AMY2A: variants seen among roughly 807,000 people sequenced by gnomAD.
AMY2A encodes the protein amylase alpha 2A.
A neutral mutation model predicts 43.0 loss-of-function variants in AMY2A; 16 were observed. That is an observed-to-expected ratio of 0.37 (90% CI 0.25 to 0.56). The LOEUF is 0.56. AMY2A is among the 20% of genes least tolerant of loss of function. The pLI, the probability that AMY2A is intolerant of heterozygous loss-of-function variation, is 0.77. For synonymous variants in AMY2A, 70 were observed against 144.6 expected (o/e 0.48, Z 3.70); for missense variants, 212 against 456.8 (o/e 0.46, Z 4.89).
rs142325195 is a variant in AMY2A, at chr1:103,618,528, C to T, written c.316-383C>T. ...GAGCATAAATTGAGATTAATAGCTA[C>T]CTTGTTTGTCTTCAAAAGCTTCATA... On this transcript the variant is annotated intron_variant, in intron 2 of 9. Transcript: ENST00000414303. 6.2e-3 allele frequency among the ~76,000 whole-genome samples: 929 copies of T among 150,790 alleles called. 64 individuals carry two copies. The highest frequency in any genetic ancestry group is 9.8e-3 in the Non-Finnish European group (659 of 67,240).
At chr1:103,624,894 G>C (rs1353705165) in intron 9 of AMY2A, among the ~76,000 whole-genome samples, 1 of 130,954 alleles carries the variant, frequency 7.6e-6, no homozygotes, top group Non-Finnish European at 1.7e-5. Flanking sequence ...GTAAACAGTT[G>C]AATTGTCCCT....
upstream of AMY2A, chr1:103,616,896 G>C (rs1443669343): frequency 6.4e-5 from 47 of 735,532 alleles, no homozygotes; most frequent in Admixed American, 2.1e-4. Context: ...GATTTGTCTA[G>C]AGGCTGGTAA....
rs188694 is a variant in AMY2A, at chr1:103,623,496, T to C, written c.1102-370T>C. 6.3e-5 allele frequency among the ~76,000 whole-genome samples: 5 copies of C among 79,290 alleles called. 1 individual carries two copies. The highest frequency in any genetic ancestry group is 4.6e-4 in the East Asian group (2 of 4,332). The allele number at this position is 79,290 out of a possible 152,430, so 52.0% of individuals were successfully genotyped here. On this transcript the variant is annotated intron_variant, in intron 7 of 9. Transcript: ENST00000414303. ...TGGTTGCGGTGGTGCACACCAACAG[T>C]CTTAGCTACTTAGGAGGCTGAGATA...
upstream of AMY2A, chr1:103,616,947 G>C (rs1296820978): frequency 3.3e-5 from 34 of 1,015,266 alleles, 2 homozygotes; most frequent in Non-Finnish European, 4.0e-5. Context: ...CAGTCTGTCA[G>C]GGTTGGAAAG....
Position 103,618,007 on chromosome 1 carries a change from G to A in AMY2A, c.222G>A (p.Trp74Ter). 1 of 1,600,482 alleles carries A rather than the reference G, an allele frequency of 6.2e-7. No individual in the cohort carries two copies. Among genetic ancestry groups the A allele is most frequent in the Non-Finnish European group, 8.5e-7 (1 of 1,170,648 alleles). The change falls in exon 2 of 10, where the codon TGG (tryptophan) becomes TGA (stop). Residue 74 changes from tryptophan (W) to a stop codon, truncating the protein, a stop_gained. Coordinates refer to ENST00000414303, the MANE Select transcript of AMY2A (RefSeq NM_000699.4). LOFTEE classifies it high-confidence loss of function. Reference protein sequence around the residue: ...VAIYNPFRPWWERYQPVSYKL... With the variant: ...VAIYNPFRPW ...TTTACAACCCTTTCAGACCTTGGTGGGAAAGATACCAACCAGTTAGCTATA... is the reference window on the plus strand; with the variant it reads ...TTTACAACCCTTTCAGACCTTGGTGAGAAAGATACCAACCAGTTAGCTATA...
Position 103,617,811 on chromosome 1 carries a change from T to C in AMY2A, c.169-143T>C. The stretch of plus-strand genomic sequence containing the variant: ...GATAATCTTTCTTCACCAAGAGCCC[T>C]CCAATGTGCTGTTAATATTTTCAAG... On this transcript the variant is annotated intron_variant, in intron 1 of 9. Coordinates refer to ENST00000414303, the MANE Select transcript of AMY2A (RefSeq NM_000699.4). The C allele has an allele frequency of 1.6e-5, 25 of 1,526,924 alleles. 3 individuals carry two copies. The highest frequency in any genetic ancestry group is 6.9e-5 in the African/African-American group (5 of 72,454). The allele number at this position is 1,526,924 out of a possible 1,614,324, so 94.6% of individuals were successfully genotyped here.
In AMY2A at chr1:103,617,873, T is replaced by C. The variant is rs1431511078; in HGVS notation, c.169-81T>C. On this transcript the variant is annotated intron_variant, in intron 1 of 9. Transcript: ENST00000414303. ...TATACCAAGATTCAAGAATCTTTTA[T>C]ACTATTGATTAGTTTCTAGAACATT... 6 of 1,586,928 alleles carry C rather than the reference T, an allele frequency of 3.8e-6. 1 individual carries two copies. Among genetic ancestry groups the C allele is most frequent in the Non-Finnish European group, 4.3e-6 (5 of 1,164,032 alleles).
At position 103,624,875 on chromosome 1, in the gene AMY2A, G is replaced by A. The variant is rs1481369269; in HGVS notation, c.1346+654G>A. 1.5e-5 allele frequency among the ~76,000 whole-genome samples: 2 copies of A among 130,870 alleles called. 1 individual carries two copies. The highest frequency in any genetic ancestry group is 1.5e-4 in the Admixed American group (2 of 13,654). The allele number at this position is 130,870 out of a possible 152,430, so 85.9% of individuals were successfully genotyped here. On this transcript the variant is annotated intron_variant, in intron 9 of 9. Transcript: ENST00000414303. Reference sequence around the variant, plus strand: ...TGATTATCTAAGATATAGCTCAGAAGACCTTGGTGTAAACAGTTGAATTGT... The same window carrying A: ...TGATTATCTAAGATATAGCTCAGAAAACCTTGGTGTAAACAGTTGAATTGT...
chr1:103,619,235 G>C (rs1341528841), intron 3 of AMY2A, 127 bp downstream of exon 3: 1 of 654,448 alleles, frequency 1.5e-6, no homozygotes, highest in Non-Finnish European at 2.6e-6. Context: ...TAACAAGTTT[G>C]ACTACTTTAA....
intron 2 of AMY2A, among the ~76,000 whole-genome samples, chr1:103,618,352 C>T (rs986448889): frequency 3.3e-5 from 5 of 150,606 alleles, no homozygotes; most frequent in Admixed American, 2.0e-4. Flanking sequence ...AATTTTAACC[C>T]TTATAACTGT....
Position 103,617,953 on chromosome 1 carries a change from G to A in AMY2A, c.169-1G>A, listed in dbSNP as rs770998615. The A allele has an allele frequency of 2.5e-6, 4 of 1,600,404 alleles. No homozygotes were observed. Among genetic ancestry groups the A allele is most frequent in the Non-Finnish European group, 3.4e-6 (4 of 1,170,600 alleles). The stretch of plus-strand genomic sequence containing the variant: ...ACTTATGAAGACTGTTTAATTTGTA[G>A]GTCTCTCCACCAAATGAAAATGTTG... On this transcript the variant is annotated splice_acceptor_variant, in intron 1 of 9. Transcript: ENST00000414303. LOFTEE classifies it high-confidence loss of function.
At position 103,619,904 on chromosome 1, in the gene AMY2A, T is replaced by C. The variant is rs1570668530; in HGVS notation, c.744+120T>C. On this transcript the variant is annotated intron_variant, in intron 4 of 9. Coordinates refer to ENST00000414303, the MANE Select transcript of AMY2A (RefSeq NM_000699.4). ...AATGAGACATTTACATAAAACAGTG[T>C]TCTTTAACCTCCTCTTCTTCACATA... is the stretch of plus-strand genomic sequence containing the variant. 6 of 1,487,370 alleles carry C rather than the reference T, an allele frequency of 4.0e-6. 1 individual carries two copies. Among genetic ancestry groups the C allele is most frequent in the Non-Finnish European group, 5.5e-6 (6 of 1,087,526 alleles). 92.1% of individuals were successfully genotyped at this position (1,487,370 alleles called of 1,614,324 possible).
upstream of AMY2A, chr1:103,617,349 T>G (rs1468098901): frequency 6.5e-7 from 1 of 1,548,162 alleles, no homozygotes; most frequent in African/African-American, 1.4e-5. Flanking sequence ...TGCCCTCAAG[T>G]ATTTATTCAT....
chr1:103,617,709 G>C, intron 1 of AMY2A, 101 bp downstream of exon 1: 2 of 1,584,844 alleles, frequency 1.3e-6, no homozygotes, highest in Non-Finnish European at 8.6e-7. Context: ...TACTTCACAG[G>C]TAAGTATTCT....
intron 7 of AMY2A, among the ~76,000 whole-genome samples, chr1:103,623,257 G>A (rs1653235168): frequency 2.3e-5 from 3 of 130,972 alleles, no homozygotes; most frequent in Admixed American, 2.3e-4. Context: ...TTTAATCCTG[G>A]TGTTTCTAGT....
In AMY2A at chr1:103,618,978, G is replaced by A. The variant is rs765781153; in HGVS notation, c.383G>A (p.Ser128Asn). ...AACGCTGTGAGTGCAGGAACAAGCA[G>A]TACCTGTGGAAGTTACTTCAACCCT... ...CGNAVSAGTS[S>N]TCGSYFNPGS... Residue 128 changes from serine to asparagine, a missense_variant, in exon 3 of 10, where the codon AGT (serine) becomes AAT (asparagine). This residue lies in a region of AMY2A where 199 missense variants were observed against 210.6 expected (regional missense o/e 0.94). Transcript: ENST00000414303. 4.5e-5 allele frequency: 63 copies of A among 1,412,820 alleles called. 2 individuals are homozygous for A. The South Asian group carries it at 8.2e-4, about 18-fold the overall frequency. The allele number at this position is 1,412,820 out of a possible 1,614,324, so 87.5% of individuals were successfully genotyped here. A position where few individuals can be genotyped will look rare whatever the true frequency, so the allele number is the denominator to read the frequency against.
Position 103,619,065 on chromosome 1 carries a change from A to C in AMY2A, c.470A>C (p.Lys157Thr), listed in dbSNP as rs911018721. Residue 157 changes from lysine (K) to threonine (T), a missense_variant, in exon 3 of 10, where the codon AAA becomes ACA. Lys to Thr is a moderately conservative substitution (Grantham distance 78). This residue lies in a region of AMY2A where 199 missense variants were observed against 210.6 expected (regional missense o/e 0.94). Transcript: ENST00000414303. ...TGGGATTTCAATGATGGTAAATGTA[A>C]AACTGGAAGTGGAGATATCGAGAAC... Reference protein sequence around the residue: ...SGWDFNDGKCKTGSGDIENYN... With the variant: ...SGWDFNDGKCTTGSGDIENYN... 1 of 1,273,872 alleles carries C rather than the reference A, an allele frequency of 7.9e-7. No homozygotes were observed. 78.9% of individuals were successfully genotyped at this position (1,273,872 alleles called of 1,614,324 possible). A position where few individuals can be genotyped will look rare whatever the true frequency, so the allele number is the denominator to read the frequency against.
At chr1:103,619,498 T>A (rs1331426051) in intron 3 of AMY2A, 56 bp from the exon 4 acceptor site, 1 of 1,547,158 alleles carries the variant, frequency 6.5e-7, no homozygotes, top group Non-Finnish European at 8.9e-7. Context: ...ATCCAATGGA[T>A]TCTCAGGAGA....
chr1:103,617,608 G>C lies in AMY2A; in HGVS notation c.168G>C (p.Gln56His). ...CTCCGAAGGGATTTGGAGGGGTTCA[G>C]GTGGGTATGATTCATAGTATCAATT... The part of the protein sequence containing the change: ...YLAPKGFGGV[Q>H]VSPPNENVAI... The change falls in exon 1 of 10, where the codon CAG becomes CAC. Residue 56 changes from glutamine to histidine, a missense_variant and splice_region_variant. Gln to His is a conservative substitution (Grantham distance 24). Around this residue, in one of 2 missense-constraint regions of AMY2A, gnomAD observed 199 missense variants for 210.6 expected, o/e 0.94. Coordinates refer to ENST00000414303, the MANE Select transcript of AMY2A (RefSeq NM_000699.4). 6.2e-7 allele frequency: 1 copy of C among 1,600,988 alleles called. No homozygotes were observed.
Sources: allele counts gnomAD v4.1 joint callset (sites outside exome capture counted in the v4.1 genomes callset), GRCh38; gene constraint gnomAD v4.1.1; regional missense constraint gnomAD v4.1.1; transcripts MANE v1.5; gene names NCBI Gene and HGNC (gene_info 2026-07-23, HGNC 2026-07-21).